DIP2A: variants seen among roughly 807,000 people sequenced by gnomAD.
The protein encoded by DIP2A is disco-interacting protein 2 homolog A.
Under a neutral mutation model 177.4 loss-of-function variants are expected in DIP2A, and 85 were observed. The observed-to-expected ratio is 0.48, with a 90% CI of 0.40 to 0.57. The LOEUF is 0.57. Among genes scored for constraint, DIP2A ranks in the 20% least tolerant of loss-of-function variants. The probability of loss-of-function intolerance (pLI) is 0.00; values close to 1 mark genes in which losing one functional copy is unlikely to be tolerated. For synonymous variants in DIP2A, 886 were observed against 881.8 expected, an observed-to-expected ratio of 1.00 and a Z score of -0.08; for missense variants, 1,791 against 2,100.2, an observed-to-expected ratio of 0.85 and a Z score of 2.88.
chr21:46,546,121 T>G, intron 20 of DIP2A, 160 bp downstream of exon 20: 1 of 1,473,132 alleles, frequency 6.8e-7, no homozygotes, highest in Non-Finnish European at 9.0e-7. Context: ...CCTACCTGTG[T>G]GCAGGGCCAT....
chr21:46,554,000 C>T, intron 25 of DIP2A, 169 bp from the exon 26 acceptor site: 1 of 877,294 alleles, frequency 1.1e-6, no homozygotes, highest in Non-Finnish European at 1.6e-6. Context: ...CCCATCTCTA[C>T]CAAAAAAAAG....
chr21:46,577,757 A>C, the DIP2A span, among the ~76,000 whole-genome samples: 3 of 152,134 alleles, frequency 2.0e-5, no homozygotes, highest in East Asian at 5.8e-4. Context: ...GATTCTTCCT[A>C]TCCATGAGCA....
At chr21:46,560,193 G>A (rs1569113259) in intron 32 of DIP2A, among the ~76,000 whole-genome samples, 2 of 152,178 alleles carry the variant, frequency 1.3e-5, no homozygotes, top group Admixed American at 6.5e-5. Flanking sequence ...TTTAATTGAT[G>A]TTCCTTATTG....
At chr21:46,510,106 G>C (rs1237064486) in intron 7 of DIP2A, among the ~76,000 whole-genome samples, 1 of 152,214 alleles carries the variant, frequency 6.6e-6, no homozygotes, top group Non-Finnish European at 1.5e-5. Context: ...ACGATCACAA[G>C]GTGAGGTCCC....
chr21:46,459,452 C>T (rs1268685608), intron 1 of DIP2A, among the ~76,000 whole-genome samples: 11 of 149,890 alleles, frequency 7.3e-5, no homozygotes, highest in Admixed American at 1.3e-4. Flanking sequence ...AACCCTAGGA[C>T]CCCGCCCCTC....
At chr21:46,577,899 T>G in the DIP2A span, among the ~76,000 whole-genome samples, 1 of 152,342 alleles carries the variant, frequency 6.6e-6, no homozygotes, top group Non-Finnish European at 1.5e-5. Context: ...GTAGCAATTG[T>G]AAATGGAAGT....
chr21:46,565,270 G>A lies in DIP2A; in HGVS notation c.4165-443G>A, dbSNP rs141357502. ...CGCGCGTGGGGCTGACGTTAACCCT[G>A]GGATGTGCCGTCTGTTTTCAGGGCC... On this transcript the variant is annotated intron_variant, in intron 35 of 37. Coordinates refer to ENST00000417564, the MANE Select transcript of DIP2A (RefSeq NM_015151.4). Among the ~76,000 whole-genome samples, 307 of 152,366 alleles carry A rather than the reference G, an allele frequency of 2.0e-3. 1 individual carries two copies. Among genetic ancestry groups the A allele is most frequent in the African/African-American group, 6.7e-3 (280 of 41,590 alleles).
Position 46,553,901 on chromosome 21 carries a change from T to C in DIP2A, c.3031-268T>C, listed in dbSNP as rs994309647. Reference sequence around the variant, plus strand: ...GTCGTGGACCATGTGCGGTGGCTTATGCCTGTAATCCCAGCACTTTGAGAG... The same window carrying C: ...GTCGTGGACCATGTGCGGTGGCTTACGCCTGTAATCCCAGCACTTTGAGAG... On this transcript the variant is annotated intron_variant, in intron 25 of 37. Transcript: ENST00000417564. 13 of 308,092 alleles carry C rather than the reference T, an allele frequency of 4.2e-5. No homozygotes were observed. In the Admixed American group the frequency reaches 4.5e-4, roughly 11 times the overall value. 19.1% of individuals were successfully genotyped at this position (308,092 alleles called of 1,614,324 possible).
chr21:46,504,408 T>C lies in DIP2A; in HGVS notation c.703T>C (p.Ser235Pro). 1 of 1,613,932 alleles carries C rather than the reference T, an allele frequency of 6.2e-7. No individual in the cohort carries two copies. The highest frequency in any genetic ancestry group is 1.3e-5 in the African/African-American group (1 of 75,056). ...TGTCACCACGGGCCTCGTGGAGCATTCGTACTTTGAGCGTCCACAGGTGGC... is the reference window on the plus strand; with the variant it reads ...TGTCACCACGGGCCTCGTGGAGCATCCGTACTTTGAGCGTCCACAGGTGGC... ...PDVTTGLVEH[S>P]YFERPQVASV... The change falls in exon 6 of 38, where the codon TCG becomes CCG. Residue 235 changes from serine to proline, a missense_variant. Coordinates refer to ENST00000417564, the MANE Select transcript of DIP2A (RefSeq NM_015151.4).
At chr21:46,501,548 C>CAGCA (rs1199875802) in intron 5 of DIP2A, among the ~76,000 whole-genome samples, 1 of 152,022 alleles carries the variant, frequency 6.6e-6, no homozygotes, top group Non-Finnish European at 1.5e-5. Flanking sequence ...GCCTCCTGAG[C>CAGCA]AGCTGGGACT....
intron 8 of DIP2A, among the ~76,000 whole-genome samples, chr21:46,518,832 A>C (rs889438347): frequency 6.6e-6 from 1 of 152,228 alleles, no homozygotes; most frequent in Non-Finnish European, 1.5e-5. Context: ...ACTGCAGCCT[A>C]AGTGACAGAG....
At chr21:46,580,211 CT>C in the DIP2A span, among the ~76,000 whole-genome samples, 12 of 151,986 alleles carry the variant, frequency 7.9e-5, no homozygotes, top group Admixed American at 2.6e-4. Context: ...TAATGCCCTT[CT>C]TTTTTTTAAT....
chr21:46,544,711 G>A (rs1356906062), intron 18 of DIP2A, among the ~76,000 whole-genome samples: 1 of 152,186 alleles, frequency 6.6e-6, no homozygotes, highest in Non-Finnish European at 1.5e-5. Context: ...AAGGGGGCAG[G>A]CATGGGCAGA....
In DIP2A at chr21:46,497,063, G is replaced by C; in HGVS notation, c.359G>C (p.Arg120Pro). The C allele has an allele frequency of 6.2e-7, 1 of 1,613,888 alleles. No homozygotes were observed. The highest frequency in any genetic ancestry group is 8.5e-7 in the Non-Finnish European group (1 of 1,179,862). Residue 120 changes from arginine to proline, a missense_variant, in exon 4 of 38, where the codon CGT (arginine) becomes CCT (proline). Physicochemically the swap from Arg to Pro is moderately radical, Grantham distance 103. Transcript: ENST00000417564. Reference sequence around the variant, plus strand: ...AAGATGCCTATGCCTTCGAAGAGACGTTCTGTCCTTGTGCATTCGTCTGTG... The same window carrying C: ...AAGATGCCTATGCCTTCGAAGAGACCTTCTGTCCTTGTGCATTCGTCTGTG... ...ERKMPMPSKR[R>P]SVLVHSSVET...
intron 1 of DIP2A, among the ~76,000 whole-genome samples, chr21:46,475,612 T>C (rs971037895): frequency 1.3e-5 from 2 of 152,272 alleles, no homozygotes; most frequent in Admixed American, 1.3e-4. Context: ...TTGATTTTTC[T>C]CTAATTGTGA....
At chr21:46,582,173 C>T in the DIP2A span, among the ~76,000 whole-genome samples, 1 of 152,158 alleles carries the variant, frequency 6.6e-6, no homozygotes, top group Non-Finnish European at 1.5e-5. Flanking sequence ...AGGCCCTGCC[C>T]ATTGACGGGG....
chr21:46,513,774 G>A lies in DIP2A; in HGVS notation c.1102+2160G>A, dbSNP rs902230499. Among the ~76,000 whole-genome samples, 6 of 152,046 alleles carry A rather than the reference G, an allele frequency of 3.9e-5. No homozygotes were observed. The South Asian group carries it at 1.2e-3, about 32-fold the overall frequency. ...ATGCTCAAAGAAAATGCTCATTGGA[G>A]CATTTTGGATTTCTGATTTTTGGAC... On this transcript the variant is annotated intron_variant, in intron 8 of 37. Coordinates refer to ENST00000417564, the MANE Select transcript of DIP2A (RefSeq NM_015151.4).
Position 46,551,655 on chromosome 21 carries a change from T to C in DIP2A, c.2861T>C (p.Ile954Thr). The C allele has an allele frequency of 1.2e-6, 2 of 1,613,986 alleles. No homozygotes were observed. Among genetic ancestry groups the C allele is most frequent in the Non-Finnish European group, 8.5e-7 (1 of 1,179,882 alleles). ...KQPEVGPASMIVGNLVAGKRI... is the reference protein window; with the variant it reads ...KQPEVGPASMTVGNLVAGKRI... ...CTAGAGGTTGGACCAGCCTCAATGA[T>C]CGTGGGGAACCTGGTTGCTGGGAAG... Residue 954 changes from isoleucine (I) to threonine (T), a missense_variant, in exon 24 of 38, where the codon ATC (isoleucine) becomes ACC (threonine). Ile to Thr is a moderately conservative substitution (Grantham distance 89). Transcript: ENST00000417564.
intron 2 of DIP2A, among the ~76,000 whole-genome samples, chr21:46,490,006 G>T (rs2056915472): frequency 6.6e-6 from 1 of 152,204 alleles, no homozygotes; most frequent in Non-Finnish European, 1.5e-5. Context: ...CAAGTGGGTG[G>T]TGCGGCGAGG....
Sources: allele counts gnomAD v4.1 joint callset (sites outside exome capture counted in the v4.1 genomes callset), GRCh38; gene constraint gnomAD v4.1.1; transcripts MANE v1.5; gene names NCBI Gene and HGNC (gene_info 2026-07-23, HGNC 2026-07-21).